The following SPMAP2L variants were observed in gnomAD, a reference collection of about 807,000 sequenced individuals.
SPMAP2L encodes the protein sperm microtubule associated protein 2 like.
At chr4:56,611,405 T>C in the SPMAP2L span, among the ~76,000 whole-genome samples, 9 of 152,050 alleles carry the variant, frequency 5.9e-5, no homozygotes, top group East Asian at 1.5e-3. Context: ...AATGATACAG[T>C]GGACTTTGGG....
the SPMAP2L span, chr4:56,552,580 T>C: frequency 1.3e-6 from 2 of 1,528,272 alleles, no homozygotes. Flanking sequence ...CCCAAATCTT[T>C]CAAAGCCTAA....
At chr4:56,537,839 C>T in the SPMAP2L span, among the ~76,000 whole-genome samples, 1 of 152,048 alleles carries the variant, frequency 6.6e-6, no homozygotes, top group African/African-American at 2.4e-5. Context: ...ACTACAGGTG[C>T]CCGCCACCAC....
chr4:56,575,559 T>G, the SPMAP2L span: 17 of 1,535,316 alleles, frequency 1.1e-5, no homozygotes, highest in Admixed American at 3.1e-4. Flanking sequence ...AGATCACTCC[T>G]CCTGCATTGT....
chr4:56,597,552 A>T, the SPMAP2L span, among the ~76,000 whole-genome samples: 1 of 152,204 alleles, frequency 6.6e-6, no homozygotes. Flanking sequence ...AAAGAAAACC[A>T]TTCTGGGAAT....
At chr4:56,579,562 G>C in the SPMAP2L span, among the ~76,000 whole-genome samples, 1 of 151,956 alleles carries the variant, frequency 6.6e-6, no homozygotes, top group African/African-American at 2.4e-5. Flanking sequence ...TTGAGGCTAG[G>C]AGTTTGAGAC....
the SPMAP2L span, among the ~76,000 whole-genome samples, chr4:56,557,267 A>AAAAG: frequency 1.1e-4 from 16 of 150,108 alleles, no homozygotes; most frequent in Non-Finnish European, 1.5e-4. Context: ...CAAAAAAAAA[A>AAAAG]AAAAGAAAAG....
At chr4:56,607,942 A>G in the SPMAP2L span, among the ~76,000 whole-genome samples, 1 of 150,202 alleles carries the variant, frequency 6.7e-6, no homozygotes, top group South Asian at 2.1e-4. Context: ...GCAGTGAGCC[A>G]TGATTGTGCC....
At chr4:56,552,678 T>G in the SPMAP2L span, 1 of 888,778 alleles carries the variant, frequency 1.1e-6, no homozygotes, top group Non-Finnish European at 1.8e-6. Context: ...CAGGTAAGTA[T>G]TATTTATCCA....
chr4:56,555,156 C>T, the SPMAP2L span, among the ~76,000 whole-genome samples: 1 of 151,908 alleles, frequency 6.6e-6, no homozygotes, highest in Admixed American at 6.6e-5. Context: ...TTAGGCTGGT[C>T]TCGAACTCCT....
the SPMAP2L span, chr4:56,552,503 C>T: frequency 4.5e-5 from 47 of 1,044,606 alleles, no homozygotes; most frequent in Admixed American, 4.8e-4. Context: ...AATGTAACCA[C>T]ATTTCTTAAG....
chr4:56,572,484 C>T, the SPMAP2L span, among the ~76,000 whole-genome samples: 1 of 152,222 alleles, frequency 6.6e-6, no homozygotes. Flanking sequence ...CTATTCTCCA[C>T]TCTCTCCTAG....
the SPMAP2L span, among the ~76,000 whole-genome samples, chr4:56,557,535 C>T: frequency 5.9e-5 from 9 of 151,994 alleles, no homozygotes; most frequent in East Asian, 3.9e-4. Flanking sequence ...AGAGATTATA[C>T]GAATTTCAGA....
chr4:56,575,202 TC>T, the SPMAP2L span, among the ~76,000 whole-genome samples: 1 of 150,302 alleles, frequency 6.7e-6, no homozygotes, highest in Non-Finnish European at 1.5e-5. Flanking sequence ...TGAGCCAAGA[TC>T]GCACCACTGC....
At chr4:56,614,122 T>C in the SPMAP2L span, among the ~76,000 whole-genome samples, 10 of 152,234 alleles carry the variant, frequency 6.6e-5, no homozygotes, top group South Asian at 1.9e-3. Context: ...TGGTCTTTCA[T>C]TGGGAGAGCT....
chr4:56,583,373 T>C, the SPMAP2L span, among the ~76,000 whole-genome samples: 1 of 152,270 alleles, frequency 6.6e-6, no homozygotes, highest in East Asian at 1.9e-4. Flanking sequence ...GTTCCCAGGA[T>C]TCTGAAATTA....
At chr4:56,595,366 A>G in the SPMAP2L span, 3 of 1,604,616 alleles carry the variant, frequency 1.9e-6, no homozygotes, top group Admixed American at 1.7e-5. Context: ...AGGGACCCTC[A>G]TGGTTGAGCC....
chr4:56,607,031 G>A, the SPMAP2L span, among the ~76,000 whole-genome samples: 1 of 152,008 alleles, frequency 6.6e-6, no homozygotes, highest in Admixed American at 6.5e-5. Context: ...ATGGGGAGTG[G>A]GAGAGGAAAG....
chr4:56,549,025 G>C, the SPMAP2L span, among the ~76,000 whole-genome samples: 1 of 138,050 alleles, frequency 7.2e-6, no homozygotes, highest in Non-Finnish European at 1.5e-5. Context: ...GTCTCGCTCT[G>C]TTCCCCAGAC....
the SPMAP2L span, among the ~76,000 whole-genome samples, chr4:56,546,874 T>C: frequency 2.0e-5 from 3 of 151,958 alleles, no homozygotes; most frequent in Non-Finnish European, 4.4e-5. Context: ...TGAGGGACAT[T>C]TTTGTAGACT....
Sources: allele counts gnomAD v4.1 joint callset (sites outside exome capture counted in the v4.1 genomes callset), GRCh38; gene constraint gnomAD v4.1.1; transcripts MANE v1.5; gene names NCBI Gene and HGNC (gene_info 2026-07-23, HGNC 2026-07-21).